SH3GL2: variants seen among roughly 807,000 people sequenced by gnomAD.
SH3GL2 encodes the protein SH3 domain containing GRB2 like 2, endophilin A1.
Under a neutral mutation model 46.0 loss-of-function variants are expected in SH3GL2, and 24 were observed. The ratio of observed to expected loss-of-function variants is 0.52; its 90% CI spans 0.38 to 0.73. SH3GL2 has a LOEUF of 0.73. Ranked by LOEUF, SH3GL2 falls within the 30% of genes least tolerant of loss-of-function variation. The probability of loss-of-function intolerance (pLI) is 0.00; values close to 1 mark genes in which losing one functional copy is unlikely to be tolerated. For synonymous variants in SH3GL2, 196 were observed against 147.1 expected, an observed-to-expected ratio of 1.33 and a Z score of -2.40; for missense variants, 413 against 424.2, an observed-to-expected ratio of 0.97 and a Z score of 0.23.
At chr9:17,651,795 T>C (rs1819966171) in intron 1 of SH3GL2, among the ~76,000 whole-genome samples, 1 of 152,182 alleles carries the variant, frequency 6.6e-6, no homozygotes, top group Admixed American at 6.5e-5. Context: ...TGATATTGCT[T>C]AACTTGTTTT....
chr9:17,589,421 A>T (rs1330384013), intron 1 of SH3GL2: 2 of 151,826 alleles, frequency 1.3e-5, no homozygotes, highest in Non-Finnish European at 2.9e-5. Context: ...CTGATGAGGC[A>T]CAAGTTTATT....
At chr9:17,699,784 A>T (rs1338532383) in intron 1 of SH3GL2, among the ~76,000 whole-genome samples, 1 of 152,260 alleles carries the variant, frequency 6.6e-6, no homozygotes. Flanking sequence ...GGCATGTGCC[A>T]TCATTTATTC....
intron 1 of SH3GL2, among the ~76,000 whole-genome samples, chr9:17,738,418 C>T (rs1001244932): frequency 2.8e-5 from 4 of 141,068 alleles, no homozygotes; most frequent in Non-Finnish European, 6.3e-5. Context: ...GAAATTGTAG[C>T]AGTTAGGGTT....
intron 1 of SH3GL2, among the ~76,000 whole-genome samples, chr9:17,657,314 G>A (rs1262045107): frequency 2.6e-5 from 4 of 152,122 alleles, no homozygotes; most frequent in Admixed American, 2.6e-4. Flanking sequence ...AGATGTACAT[G>A]CACATGACCT....
intron 1 of SH3GL2, among the ~76,000 whole-genome samples, chr9:17,723,336 T>C (rs1324616183): frequency 6.6e-6 from 1 of 152,192 alleles, no homozygotes; most frequent in East Asian, 1.9e-4. Flanking sequence ...TCTGGTTGTT[T>C]TATGTAATTA....
Position 17,599,347 on chromosome 9 carries a change from G to C in SH3GL2, c.45+20060G>C, listed in dbSNP as rs561464943. 6.6e-5 allele frequency among the ~76,000 whole-genome samples: 10 copies of C among 152,252 alleles called. No individual in the cohort carries two copies. In the East Asian group the frequency reaches 1.9e-3, roughly 29 times the overall value. On this transcript the variant is annotated intron_variant, in intron 1 of 8. Coordinates refer to ENST00000380607, the MANE Select transcript of SH3GL2 (RefSeq NM_003026.5). ...CCTAAAGATGGTTGAAGTGACTAAT[G>C]GGATTAAGATTTGCAGCATACAAAT...
At chr9:17,587,762 C>T (rs1296543211) in intron 1 of SH3GL2, among the ~76,000 whole-genome samples, 1 of 152,088 alleles carries the variant, frequency 6.6e-6, no homozygotes, top group Non-Finnish European at 1.5e-5. Flanking sequence ...CCTGTAGTCC[C>T]AGCTACTCGG....
Position 17,618,658 on chromosome 9 carries a change from T to C in SH3GL2, c.45+39371T>C, listed in dbSNP as rs1272170691. Reference sequence around the variant, plus strand: ...GGCCTAGACCTGGCTTGGGGCTTTATTTAGTAAATATGCTGTATCACTCTT... The same window carrying C: ...GGCCTAGACCTGGCTTGGGGCTTTACTTAGTAAATATGCTGTATCACTCTT... On this transcript the variant is annotated intron_variant, in intron 1 of 8. Transcript: ENST00000380607. 2.6e-5 allele frequency among the ~76,000 whole-genome samples: 4 copies of C among 152,224 alleles called. No individual in the cohort carries two copies. The East Asian group carries it at 7.7e-4, about 29-fold the overall frequency.
intron 2 of SH3GL2, among the ~76,000 whole-genome samples, chr9:17,751,362 C>G (rs1434335982): frequency 6.6e-6 from 1 of 151,994 alleles, no homozygotes; most frequent in African/African-American, 2.4e-5. Flanking sequence ...CTATCCAGCC[C>G]AAGTGGTAGA....
intron 1 of SH3GL2, among the ~76,000 whole-genome samples, chr9:17,580,915 T>C (rs1266385485): frequency 6.6e-6 from 1 of 152,130 alleles, no homozygotes; most frequent in Non-Finnish European, 1.5e-5. Context: ...CAATTAAGAG[T>C]CTTGGCTTTG....
chr9:17,663,810 G>C (rs899724367), intron 1 of SH3GL2, among the ~76,000 whole-genome samples: 2 of 152,154 alleles, frequency 1.3e-5, no homozygotes, highest in Non-Finnish European at 2.9e-5. Flanking sequence ...CACAGGAAAA[G>C]AAGCAAAAAT....
chr9:17,744,820 A>G (rs146739430), intron 1 of SH3GL2, among the ~76,000 whole-genome samples: 1 of 152,298 alleles, frequency 6.6e-6, no homozygotes, highest in Non-Finnish European at 1.5e-5. Flanking sequence ...TGTCAGAAAA[A>G]TCCTAAATCT....
At chr9:17,760,752 G>C (rs1460126992) in intron 2 of SH3GL2, among the ~76,000 whole-genome samples, 2 of 152,080 alleles carry the variant, frequency 1.3e-5, no homozygotes, top group African/African-American at 2.4e-5. Context: ...GATAAGAAAA[G>C]GATTTCTTGG....
At chr9:17,768,908 G>A (rs995341129) in intron 3 of SH3GL2, among the ~76,000 whole-genome samples, 1 of 152,168 alleles carries the variant, frequency 6.6e-6, no homozygotes, top group African/African-American at 2.4e-5. Context: ...CACTTATGTG[G>A]GTTACAAAGT....
chr9:17,634,847 C>T (rs988156667), intron 1 of SH3GL2, among the ~76,000 whole-genome samples: 4 of 152,144 alleles, frequency 2.6e-5, no homozygotes, highest in African/African-American at 7.2e-5. Flanking sequence ...GCTTTTGGAG[C>T]CTGTGGCAGG....
intron 1 of SH3GL2, among the ~76,000 whole-genome samples, chr9:17,612,257 A>G (rs1818885140): frequency 6.6e-6 from 1 of 152,106 alleles, no homozygotes; most frequent in Admixed American, 6.5e-5. Context: ...AGTGTGCCTG[A>G]GTGTGGCTTG....
At chr9:17,617,520 G>A (rs1010184773) in intron 1 of SH3GL2, among the ~76,000 whole-genome samples, 76 of 152,290 alleles carry the variant, frequency 5.0e-4, no homozygotes, top group African/African-American at 1.8e-3. Flanking sequence ...AAGGCTTAAC[G>A]TGCTCATGTG....
chr9:17,793,073 G>A (rs748486407), intron 7 of SH3GL2, among the ~76,000 whole-genome samples: 1 of 152,124 alleles, frequency 6.6e-6, no homozygotes, highest in Non-Finnish European at 1.5e-5. Context: ...TCATTTTTGT[G>A]TTCCTGGTAC....
intron 3 of SH3GL2, among the ~76,000 whole-genome samples, chr9:17,774,513 C>T (rs190359629): frequency 4.0e-5 from 6 of 150,944 alleles, no homozygotes; most frequent in Non-Finnish European, 8.8e-5. Flanking sequence ...ACTTAGTCAA[C>T]ACTTATTCCT....
Sources: allele counts gnomAD v4.1 joint callset (sites outside exome capture counted in the v4.1 genomes callset), GRCh38; gene constraint gnomAD v4.1.1; transcripts MANE v1.5; gene names NCBI Gene and HGNC (gene_info 2026-07-23, HGNC 2026-07-21).